The following DGKB variants were observed in gnomAD, a reference collection of about 807,000 sequenced individuals.
DGKB encodes the protein diacylglycerol kinase beta.
Under a neutral mutation model 114.3 loss-of-function variants are expected in DGKB, and 67 were observed. That is an observed-to-expected ratio of 0.59 (90% confidence interval 0.48 to 0.72). The LOEUF is 0.72. Among genes scored for constraint, DGKB ranks in the 30% least tolerant of loss-of-function variants. The pLI is 0.00. For synonymous variants in DGKB, 398 were observed against 323.1 expected, an observed-to-expected ratio of 1.23 and a Z score of -2.49; for missense variants, 907 against 975.2, an observed-to-expected ratio of 0.93 and a Z score of 0.93.
At chr7:14,867,151 C>T (rs1851817072) in intron 1 of DGKB, among the ~76,000 whole-genome samples, 1 of 152,078 alleles carries the variant, frequency 6.6e-6, no homozygotes, top group African/African-American at 2.4e-5. Flanking sequence ...GTGTGTTTTG[C>T]AAATATTTTC....
At chr7:14,786,524 A>G (rs1839919852) in intron 2 of DGKB, among the ~76,000 whole-genome samples, 1 of 152,192 alleles carries the variant, frequency 6.6e-6, no homozygotes, top group African/African-American at 2.4e-5. Context: ...GCCGGGGGGA[A>G]CCAGGAACAG....
intron 23 of DGKB, among the ~76,000 whole-genome samples, chr7:14,295,169 G>A (rs180923985): frequency 7.4e-4 from 112 of 152,228 alleles, no homozygotes; most frequent in African/African-American, 2.6e-3. Context: ...TACTGAATAT[G>A]AGAATAATAT....
At chr7:14,242,704 A>T (rs1246480463) in intron 23 of DGKB, among the ~76,000 whole-genome samples, 2 of 152,118 alleles carry the variant, frequency 1.3e-5, no homozygotes, top group Non-Finnish European at 2.9e-5. Context: ...ATAAAATTTA[A>T]TTGGTGTCCT....
intron 7 of DGKB, among the ~76,000 whole-genome samples, chr7:14,700,721 G>C (rs1245315357): frequency 6.6e-6 from 1 of 152,128 alleles, no homozygotes; most frequent in Non-Finnish European, 1.5e-5. Flanking sequence ...AGCTGCCATA[G>C]GGTGGTCTAT....
At chr7:14,852,019 C>A (rs541275475) in intron 1 of DGKB, among the ~76,000 whole-genome samples, 1 of 152,218 alleles carries the variant, frequency 6.6e-6, no homozygotes, top group East Asian at 1.9e-4. Flanking sequence ...GAATTCCTGG[C>A]CTACCAAATC....
intron 23 of DGKB, among the ~76,000 whole-genome samples, chr7:14,304,341 G>A (rs1354941952): frequency 2.6e-5 from 4 of 151,574 alleles, no homozygotes; most frequent in African/African-American, 9.7e-5. Flanking sequence ...TTTATATTGC[G>A]GTGTTTTATA....
At chr7:14,326,489 G>T (rs1808758241) in intron 23 of DGKB, among the ~76,000 whole-genome samples, 1 of 152,082 alleles carries the variant, frequency 6.6e-6, no homozygotes, top group African/African-American at 2.4e-5. Flanking sequence ...CAACTACTGT[G>T]GCAGGAATCA....
intron 21 of DGKB, among the ~76,000 whole-genome samples, chr7:14,437,537 T>A (rs1442123767): frequency 1.3e-5 from 2 of 152,040 alleles, no homozygotes; most frequent in African/African-American, 4.8e-5. Context: ...ATTATTTACT[T>A]ACCAAATGTG....
At chr7:14,791,416 C>T (rs924258022) in intron 2 of DGKB, among the ~76,000 whole-genome samples, 2 of 141,356 alleles carry the variant, frequency 1.4e-5, no homozygotes, top group Admixed American at 1.4e-4. Context: ...ATTTTCTTTA[C>T]TTGTCTTATT....
intron 1 of DGKB, among the ~76,000 whole-genome samples, chr7:14,849,526 C>A (rs1849071485): frequency 2.0e-5 from 3 of 152,092 alleles, no homozygotes; most frequent in Admixed American, 2.0e-4. Context: ...GCACCTAGAT[C>A]TTGGATTTCC....
intron 13 of DGKB, among the ~76,000 whole-genome samples, chr7:14,670,321 G>A (rs181212351): frequency 6.9e-6 from 1 of 145,856 alleles, no homozygotes; most frequent in Non-Finnish European, 1.5e-5. Context: ...ATTTTTTTTT[G>A]AGACAGAGTC....
At chr7:14,438,272 T>C (rs756372521) in intron 21 of DGKB, among the ~76,000 whole-genome samples, 1 of 152,124 alleles carries the variant, frequency 6.6e-6, no homozygotes, top group Non-Finnish European at 1.5e-5. Context: ...TTACTGCTTC[T>C]TAGTGAGGCT....
chr7:14,600,293 C>G (rs1803310805), intron 17 of DGKB, among the ~76,000 whole-genome samples: 1 of 152,114 alleles, frequency 6.6e-6, no homozygotes, highest in Non-Finnish European at 1.5e-5. Context: ...GCTCATTGCT[C>G]CACCTCTTAA....
upstream of DGKB, among the ~76,000 whole-genome samples, chr7:14,904,249 GA>G (rs2128240938): frequency 6.6e-6 from 1 of 151,826 alleles, no homozygotes; most frequent in African/African-American, 2.4e-5. Context: ...TCACTTAATT[GA>G]ATAGTACTTT....
intron 1 of DGKB, among the ~76,000 whole-genome samples, chr7:14,859,359 T>C (rs1006973858): frequency 4.6e-5 from 7 of 152,178 alleles, no homozygotes; most frequent in Non-Finnish European, 7.4e-5. Context: ...CCCAGTTATA[T>C]GTGAAAGCCA....
chr7:14,698,186 G>C lies in DGKB; in HGVS notation c.517-17C>G, dbSNP rs930609579. On this transcript the variant is annotated splice_polypyrimidine_tract_variant and intron_variant, in intron 7 of 25. Coordinates refer to ENST00000402815, the MANE Select transcript of DGKB (RefSeq NM_001350709.2). ...TTCTAGCTCCTGGAAGAGAAAGAGA[G>C]ATAAAAAATATGAATACAAGATCTT... The C allele has an allele frequency of 2.1e-6, 3 of 1,451,922 alleles. No individual in the cohort carries two copies. Among genetic ancestry groups the C allele is most frequent in the Admixed American group, 5.3e-5 (2 of 37,886 alleles). 89.9% of individuals were successfully genotyped at this position (1,451,922 alleles called of 1,614,324 possible).
At chr7:14,731,869 G>A (rs986913596) in intron 5 of DGKB, among the ~76,000 whole-genome samples, 1 of 152,152 alleles carries the variant, frequency 6.6e-6, no homozygotes, top group Admixed American at 6.5e-5. Context: ...GTATGAAAAA[G>A]CTGGAGAGAT....
chr7:14,942,659 G>C (rs555323505), intron 1 of DGKB, among the ~76,000 whole-genome samples: 1 of 151,790 alleles, frequency 6.6e-6, no homozygotes, highest in Non-Finnish European at 1.5e-5. Context: ...TCTGTTCCCT[G>C]AACTCTCCAA....
At chr7:14,931,054 A>G (rs1301750240) in intron 1 of DGKB, among the ~76,000 whole-genome samples, 1 of 151,108 alleles carries the variant, frequency 6.6e-6, no homozygotes, top group Non-Finnish European at 1.5e-5. Context: ...CTGGTATTAA[A>G]CCTACTTGGT....
Sources: gnomAD v4.1 joint callset for allele counts (sites outside exome capture counted in the v4.1 genomes callset) on GRCh38, gnomAD v4.1.1 for gene constraint, MANE v1.5 for transcripts, NCBI Gene and HGNC (gene_info 2026-07-23, HGNC 2026-07-21) for gene names.